SFI1: variants seen among roughly 807,000 people sequenced by gnomAD.
SFI1 encodes the protein protein SFI1 homolog.
Under a neutral mutation model 207.5 loss-of-function variants are expected in SFI1, and 195 were observed. The observed-to-expected ratio is 0.94, with a 90% CI of 0.84 to 1.06. The LOEUF (loss-of-function observed/expected upper bound fraction) is 1.06, where lower values mean the gene tolerates loss of function less well. Among genes scored for constraint, SFI1 ranks in the 50% least tolerant of loss-of-function variants. SFI1 has a pLI of 0.00. For synonymous variants in SFI1, 630 were observed against 598.9 expected (o/e 1.05, Z -0.76); for missense variants, 1,634 against 1,588.0 (o/e 1.03, Z -0.49).
chr22:31,510,409 G>A (rs1029865683), intron 2 of SFI1, among the ~76,000 whole-genome samples: 1 of 151,608 alleles, frequency 6.6e-6, no homozygotes, highest in African/African-American at 2.4e-5. Flanking sequence ...TTACTTGTTA[G>A]AGATCTATTA....
At chr22:31,561,216 C>T in intron 7 of SFI1, 74 bp from the exon 8 acceptor site, 2 of 1,309,492 alleles carry the variant, frequency 1.5e-6, no homozygotes, top group Non-Finnish European at 2.2e-6. Flanking sequence ...GTCTGAGGCC[C>T]CACACTAACT....
intron 2 of SFI1, among the ~76,000 whole-genome samples, chr22:31,520,855 A>G (rs907935033): frequency 7.3e-5 from 11 of 150,882 alleles, no homozygotes; most frequent in Non-Finnish European, 1.2e-4. Context: ...AAAAAAAAAA[A>G]TAGCCAGGTG....
At chr22:31,559,660 T>G in intron 7 of SFI1, 1 of 741,470 alleles carries the variant, frequency 1.3e-6, no homozygotes, top group Non-Finnish European at 2.5e-6. Context: ...GAGAACTCAC[T>G]GAGGATGAGA....
chr22:31,605,414 T>C (rs554967319), intron 20 of SFI1: 1 of 153,580 alleles, frequency 6.5e-6, no homozygotes, highest in African/African-American at 2.4e-5. Context: ...GGAGGGTGCT[T>C]CTGCAGCTTC....
At chr22:31,609,294 G>A (rs889299521) in intron 22 of SFI1, among the ~76,000 whole-genome samples, 6 of 152,062 alleles carry the variant, frequency 3.9e-5, no homozygotes, top group African/African-American at 2.4e-5. Flanking sequence ...CACTACACCT[G>A]GCCAAGACCT....
At chr22:31,556,231 T>C (rs913728622) in intron 6 of SFI1, among the ~76,000 whole-genome samples, 23 of 151,560 alleles carry the variant, frequency 1.5e-4, no homozygotes, top group African/African-American at 3.4e-4. Context: ...CTTTTCTTTT[T>C]TTTTTTTTTG....
chr22:31,610,851 C>G (rs1293759600), intron 22 of SFI1, among the ~76,000 whole-genome samples: 1 of 152,246 alleles, frequency 6.6e-6, no homozygotes, highest in African/African-American at 2.4e-5. Context: ...TCTTAGGGTG[C>G]CCCTGGCACC....
intron 14 of SFI1, among the ~76,000 whole-genome samples, chr22:31,588,874 A>G (rs543839690): frequency 1.3e-5 from 2 of 152,014 alleles, no homozygotes; most frequent in East Asian, 3.9e-4. Flanking sequence ...ACATGCATAT[A>G]TGCTTTTTCC....
rs376011027 is a variant in SFI1 at position 31,518,958 on chromosome 22, G to A, written c.93-9732G>A. Among the ~76,000 whole-genome samples the A allele has an allele frequency of 5.7e-4, 87 of 152,264 alleles. 1 individual carries two copies. In the East Asian group the frequency reaches 5.8e-3, roughly 10 times the overall value. On this transcript the variant is annotated intron_variant, in intron 2 of 32. Transcript: ENST00000400288. ...AATTAAGAGTGTCCTTTGTGATTCC[G>A]CTGGGAGAGGATTCTTGGAAGCTTG... is the stretch of plus-strand genomic sequence containing the variant.
chr22:31,596,928 G>A (rs924289289), intron 15 of SFI1, among the ~76,000 whole-genome samples: 4 of 148,552 alleles, frequency 2.7e-5, no homozygotes, highest in African/African-American at 5.0e-5. Context: ...CACGGTACCC[G>A]TTTCTAAATG....
chr22:31,616,394 C>T, intron 29 of SFI1: 1 of 224,744 alleles, frequency 4.4e-6, no homozygotes. Context: ...CCACTTCTCA[C>T]TGATGTCAAA....
At chr22:31,509,293 T>C (rs577533962) in intron 2 of SFI1, among the ~76,000 whole-genome samples, 9 of 152,258 alleles carry the variant, frequency 5.9e-5, no homozygotes, top group African/African-American at 2.2e-4. Context: ...GTCTGCAAGT[T>C]GAGGAGCAAG....
chr22:31,592,951 A>G (rs1209519579), intron 15 of SFI1, among the ~76,000 whole-genome samples: 1 of 72,420 alleles, frequency 1.4e-5, no homozygotes, highest in African/African-American at 6.3e-5. Flanking sequence ...GGCGCCCCTC[A>G]CCTCCCGGAC....
chr22:31,511,323 G>T (rs1007186195), intron 2 of SFI1, among the ~76,000 whole-genome samples: 5 of 152,102 alleles, frequency 3.3e-5, no homozygotes, highest in Admixed American at 3.3e-4. Context: ...AGGAGTCCTC[G>T]TAAGCTGAAC....
intron 2 of SFI1, among the ~76,000 whole-genome samples, chr22:31,516,717 G>C (rs971081624): frequency 1.9e-4 from 29 of 151,986 alleles, no homozygotes; most frequent in African/African-American, 5.6e-4. Flanking sequence ...CACTTCGGGA[G>C]GCTGAGGTGG....
intron 13 of SFI1, 66 bp downstream of exon 13, chr22:31,584,038 A>G (rs1253987373): frequency 1.5e-6 from 2 of 1,355,438 alleles, no homozygotes; most frequent in East Asian, 2.3e-5. Context: ...GTTTTCCAGG[A>G]GTAATTGCTT....
At chr22:31,542,760 C>T (rs1387570878) in intron 4 of SFI1, among the ~76,000 whole-genome samples, 1 of 150,442 alleles carries the variant, frequency 6.6e-6, no homozygotes, top group Non-Finnish European at 1.5e-5. Context: ...CTCCTGGGTT[C>T]AAGCAATTCT....
chr22:31,565,175 C>G (rs576540838), intron 8 of SFI1, among the ~76,000 whole-genome samples: 81 of 152,164 alleles, frequency 5.3e-4, no homozygotes, highest in African/African-American at 1.8e-3. Flanking sequence ...GCTTTACCCT[C>G]CCTCCGTCCC....
chr22:31,585,009 T>C, intron 13 of SFI1, 59 bp from the exon 14 acceptor site: 1 of 1,514,800 alleles, frequency 6.6e-7, no homozygotes, highest in Non-Finnish European at 9.1e-7. Context: ...GCAATTTACC[T>C]GCCTTAAAAC....
Sources: gnomAD v4.1 joint callset for allele counts (sites outside exome capture counted in the v4.1 genomes callset) on GRCh38, gnomAD v4.1.1 for gene constraint, MANE v1.5 for transcripts, NCBI Gene and HGNC (gene_info 2026-07-23, HGNC 2026-07-21) for gene names.